Variants in NRXN3 observed in about 807,000 individuals in gnomAD.
NRXN3 encodes neurexin III.
Under a neutral mutation model 137.6 loss-of-function variants are expected in NRXN3, and 32 were observed. That is an observed-to-expected ratio of 0.23 (90% CI 0.18 to 0.31). The LOEUF (loss-of-function observed/expected upper bound fraction) is 0.31. Ranked by LOEUF, NRXN3 falls within the 10% of genes least tolerant of loss-of-function variation. The probability of loss-of-function intolerance (pLI) is 1.00; values close to 1 mark genes in which losing one functional copy is unlikely to be tolerated. For missense variants in NRXN3, 1,574 were observed against 2,062.5 expected, an observed-to-expected ratio of 0.76 and a Z score of 4.59; for synonymous variants, 798 against 784.5, an observed-to-expected ratio of 1.02 and a Z score of -0.29.
At chr14:78,297,323 G>T (rs2076442379) in intron 3 of NRXN3, among the ~76,000 whole-genome samples, 1 of 152,178 alleles carries the variant, frequency 6.6e-6, no homozygotes, top group East Asian at 1.9e-4. Flanking sequence ...AGAAAAAAAA[G>T]TTGGATGGTA....
chr14:79,412,727 G>A (rs1455505465), intron 15 of NRXN3, among the ~76,000 whole-genome samples: 1 of 127,974 alleles, frequency 7.8e-6, no homozygotes, highest in Non-Finnish European at 1.6e-5. Flanking sequence ...AGGTTGTAAT[G>A]AGCCGAGATC....
intron 1 of NRXN3, among the ~76,000 whole-genome samples, chr14:78,187,266 T>TG (rs1491216078): frequency 0.029 from 1,347 of 45,960 alleles, 20 homozygotes; most frequent in African/African-American, 0.052. Context: ...TGTGTGTGTG[T>TG]TTTTTTTTTT....
At chr14:79,106,505 T>TA (rs2052468830) in intron 15 of NRXN3, among the ~76,000 whole-genome samples, 2 of 151,852 alleles carry the variant, frequency 1.3e-5, no homozygotes, top group African/African-American at 2.4e-5. Flanking sequence ...TTAAGTGCAT[T>TA]AAAAAAAGAG....
intron 20 of NRXN3, among the ~76,000 whole-genome samples, chr14:79,810,617 A>G (rs2099228722): frequency 6.6e-6 from 1 of 152,156 alleles, no homozygotes; most frequent in South Asian, 2.1e-4. Context: ...CCCTACTATA[A>G]TATACAACCC....
intron 15 of NRXN3, among the ~76,000 whole-genome samples, chr14:79,238,368 T>C (rs2073773439): frequency 1.3e-5 from 2 of 152,138 alleles, no homozygotes; most frequent in South Asian, 4.1e-4. Flanking sequence ...TCTATTTATC[T>C]ATCCCTATAG....
At chr14:79,245,833 T>C (rs192929987) in intron 15 of NRXN3, among the ~76,000 whole-genome samples, 14 of 152,240 alleles carry the variant, frequency 9.2e-5, no homozygotes. Flanking sequence ...ATCACTGCGA[T>C]ACTGTTCATC....
rs1226233576 is a variant in NRXN3 at position 79,375,077 on chromosome 14, A to G, written c.3263-92144A>G. On this transcript the variant is annotated intron_variant, in intron 15 of 20. Coordinates refer to ENST00000335750, the MANE Select transcript of NRXN3 (RefSeq NM_001330195.2). ...CATCCACCTAGTGCTCCTGATTAAAAAATGGATGTGAGCTCATTTTACCTT... is the reference window on the plus strand; with the variant it reads ...CATCCACCTAGTGCTCCTGATTAAAGAATGGATGTGAGCTCATTTTACCTT... 2.0e-5 allele frequency among the ~76,000 whole-genome samples: 3 copies of G among 152,190 alleles called. No individual in the cohort carries two copies. The East Asian group carries it at 5.8e-4, about 29-fold the overall frequency.
At chr14:78,314,577 G>A (rs1345691041) in intron 4 of NRXN3, among the ~76,000 whole-genome samples, 6 of 152,184 alleles carry the variant, frequency 3.9e-5, no homozygotes, top group African/African-American at 7.2e-5. Flanking sequence ...CATCATCTAT[G>A]ATTGGCCAGA....
At chr14:78,646,974 T>A (rs558808278) in intron 5 of NRXN3, among the ~76,000 whole-genome samples, 1 of 152,286 alleles carries the variant, frequency 6.6e-6, no homozygotes, top group Non-Finnish European at 1.5e-5. Flanking sequence ...GATTGGCAGG[T>A]ACAAAATAAC....
chr14:78,958,676 T>C (rs573628603), intron 11 of NRXN3, among the ~76,000 whole-genome samples: 9 of 152,290 alleles, frequency 5.9e-5, no homozygotes, highest in African/African-American at 2.2e-4. Flanking sequence ...ATCTTATAAG[T>C]CTTCCCTCTC....
At chr14:78,275,897 T>C (rs1046762680) in intron 2 of NRXN3, among the ~76,000 whole-genome samples, 5 of 152,328 alleles carry the variant, frequency 3.3e-5, no homozygotes, top group South Asian at 2.1e-4. Context: ...TTTTGATCCT[T>C]ACCTGCTAGC....
At chr14:78,484,497 G>A (rs2095530537) in intron 4 of NRXN3, among the ~76,000 whole-genome samples, 1 of 152,138 alleles carries the variant, frequency 6.6e-6, no homozygotes, top group African/African-American at 2.4e-5. Flanking sequence ...TTTCCTCCAT[G>A]TCATGACTGG....
At chr14:79,204,546 G>A (rs2066518312) in intron 15 of NRXN3, among the ~76,000 whole-genome samples, 1 of 152,082 alleles carries the variant, frequency 6.6e-6, no homozygotes, top group Admixed American at 6.6e-5. Context: ...AAGAAAAATA[G>A]CATTGTTTAG....
intron 16 of NRXN3, among the ~76,000 whole-genome samples, chr14:79,521,541 C>A (rs1433656888): frequency 6.6e-6 from 1 of 152,078 alleles, no homozygotes; most frequent in Non-Finnish European, 1.5e-5. Flanking sequence ...TAGCTCTTTA[C>A]TATGAGCAGT....
intron 6 of NRXN3, among the ~76,000 whole-genome samples, chr14:78,688,902 A>G (rs2098145202): frequency 6.6e-6 from 1 of 151,946 alleles, no homozygotes; most frequent in South Asian, 2.1e-4. Flanking sequence ...AAAAAAGCAG[A>G]TTATGTCCTA....
At chr14:79,431,610 G>T (rs1189028426) in intron 15 of NRXN3, among the ~76,000 whole-genome samples, 1 of 152,058 alleles carries the variant, frequency 6.6e-6, no homozygotes, top group Non-Finnish European at 1.5e-5. Flanking sequence ...AGCTTTAAAA[G>T]AAATGAATGT....
chr14:79,236,266 T>C (rs943947960), intron 15 of NRXN3, among the ~76,000 whole-genome samples: 2 of 152,112 alleles, frequency 1.3e-5, no homozygotes, highest in African/African-American at 2.4e-5. Context: ...TACTCAATGA[T>C]GTATTTCTAG....
chr14:78,364,726 A>C (rs568905328), intron 4 of NRXN3, among the ~76,000 whole-genome samples: 4 of 152,204 alleles, frequency 2.6e-5, no homozygotes, highest in African/African-American at 9.6e-5. Flanking sequence ...TCTAATTTTC[A>C]TGAAACAACA....
chr14:78,962,775 A>G (rs770568646), intron 11 of NRXN3, among the ~76,000 whole-genome samples: 5 of 151,620 alleles, frequency 3.3e-5, no homozygotes, highest in Admixed American at 6.6e-5. Flanking sequence ...GTGCGGTGGC[A>G]TGATGTCGAC....
Sources: gnomAD v4.1 joint callset for allele counts (sites outside exome capture counted in the v4.1 genomes callset) on GRCh38, gnomAD v4.1.1 for gene constraint, MANE v1.5 for transcripts, NCBI Gene and HGNC (gene_info 2026-07-23, HGNC 2026-07-21) for gene names.